Variants in GRM5 observed in about 807,000 individuals in gnomAD.
The protein encoded by GRM5 is metabotropic glutamate receptor 5.
GRM5 carries 19 observed loss-of-function variants against 83.1 expected under a neutral mutation model. The ratio of observed to expected loss-of-function variants is 0.23; its 90% CI spans 0.16 to 0.34. The LOEUF is 0.34. Among genes scored for constraint, GRM5 ranks in the 10% least tolerant of loss-of-function variants. The pLI is 1.00. For missense variants in GRM5, 1,160 were observed against 1,588.3 expected, an observed-to-expected ratio of 0.73 and a Z score of 4.58; for synonymous variants, 675 against 633.6, an observed-to-expected ratio of 1.07 and a Z score of -0.98.
intron 7 of GRM5, among the ~76,000 whole-genome samples, chr11:88,573,309 C>T (rs1230598755): frequency 6.6e-6 from 1 of 152,000 alleles, no homozygotes; most frequent in Non-Finnish European, 1.5e-5. Context: ...TTTTCTGGAC[C>T]CCTAAAAATG....
chr11:88,698,687 T>C (rs547406455), intron 3 of GRM5, among the ~76,000 whole-genome samples: 1 of 152,284 alleles, frequency 6.6e-6, no homozygotes, highest in South Asian at 2.1e-4. Context: ...TGTTTTTATT[T>C]CCTTGTTAAT....
Position 89,025,739 on chromosome 11 carries a change from A to G in GRM5, c.661+21473T>C, listed in dbSNP as rs576598427. On this transcript the variant is annotated intron_variant, in intron 2 of 9. Coordinates refer to ENST00000305447, the MANE Select transcript of GRM5 (RefSeq NM_001143831.3). ...AAAAGAATACATTGCTGGTAGGGAT[A>G]TAAATTTGTTTAGCTGCTATGCAAA... is the stretch of plus-strand genomic sequence containing the variant. Among the ~76,000 whole-genome samples the G allele has an allele frequency of 6.6e-5, 10 of 152,302 alleles. No individual in the cohort carries two copies. The South Asian group carries it at 1.9e-3, about 28-fold the overall frequency.
intron 2 of GRM5, among the ~76,000 whole-genome samples, chr11:88,976,978 G>A (rs1387923626): frequency 6.6e-6 from 1 of 151,702 alleles, no homozygotes; most frequent in African/African-American, 2.4e-5. Context: ...AGTCAATATT[G>A]AGGGAGAAAC....
chr11:88,988,355 C>A (rs1437195899), intron 2 of GRM5, among the ~76,000 whole-genome samples: 1 of 150,330 alleles, frequency 6.7e-6, no homozygotes, highest in Non-Finnish European at 1.5e-5. Flanking sequence ...AAATATGGGA[C>A]TATGTGAAAA....
chr11:88,517,128 TACACACACACACACAC>T (rs60251358), intron 9 of GRM5, among the ~76,000 whole-genome samples: 6 of 148,182 alleles, frequency 4.0e-5, no homozygotes, highest in African/African-American at 1.5e-4. Context: ...TTGGCTTCTG[TACACACACACACACAC>T]ACACACACAC....
intron 2 of GRM5, among the ~76,000 whole-genome samples, chr11:89,046,774 C>T (rs184177715): frequency 8.5e-5 from 13 of 152,236 alleles, no homozygotes; most frequent in African/African-American, 2.2e-4. Context: ...TTAGAACTGG[C>T]TACTACCTTC....
At chr11:88,764,785 G>T (rs1011164310) in intron 3 of GRM5, among the ~76,000 whole-genome samples, 18 of 151,238 alleles carry the variant, frequency 1.2e-4, no homozygotes, top group Admixed American at 6.6e-5. Context: ...CTAACTTTAA[G>T]ATACTAGAAT....
intron 4 of GRM5, among the ~76,000 whole-genome samples, chr11:88,630,943 G>A (rs1414643868): frequency 6.6e-6 from 1 of 152,152 alleles, no homozygotes; most frequent in African/African-American, 2.4e-5. Flanking sequence ...TTTGATAGAA[G>A]GCTCTCCTGT....
At chr11:88,554,322 G>A (rs1942577507) in intron 8 of GRM5, among the ~76,000 whole-genome samples, 1 of 151,990 alleles carries the variant, frequency 6.6e-6, no homozygotes, top group Admixed American at 6.6e-5. Flanking sequence ...ATCACATTGG[G>A]CCCACTGGAT....
chr11:88,992,328 T>TC (rs2135050187), intron 2 of GRM5, among the ~76,000 whole-genome samples: 1 of 151,872 alleles, frequency 6.6e-6, no homozygotes, highest in South Asian at 2.1e-4. Flanking sequence ...TACCATCTCA[T>TC]ACCAGTTAGA....
In GRM5 at chr11:88,509,322, C is replaced by T; in HGVS notation, c.2909G>A (p.Ser970Asn). The T allele has an allele frequency of 6.3e-7, 1 of 1,594,926 alleles. No individual in the cohort carries two copies. Among genetic ancestry groups the T allele is most frequent in the Non-Finnish European group, 8.5e-7 (1 of 1,172,564 alleles). ...GCCCGTGGCCCCCACGCCCCCAGCG[C>T]TCCCGCCTGCGCCAGCGCCAGCGCC... is the stretch of plus-strand genomic sequence containing the variant. ...GLGAGAGAGG[S>N]AGGVGATGGA... The change falls in exon 10 of 10, where the codon AGC (serine) becomes AAC (asparagine). Residue 970 changes from serine to asparagine, a missense_variant. By Grantham distance (46) the Ser-to-Asn change is conservative (BLOSUM62 1). Around this residue, in one of 9 missense-constraint regions of GRM5, gnomAD observed 562 missense variants for 532.4 expected, o/e 1.06. Transcript: ENST00000305447.
intron 8 of GRM5, among the ~76,000 whole-genome samples, chr11:88,545,381 C>T (rs1942364515): frequency 6.6e-6 from 1 of 151,992 alleles, no homozygotes; most frequent in Admixed American, 6.5e-5. Flanking sequence ...TTCTTCAAAC[C>T]TATTCTCTTT....
At position 88,905,062 on chromosome 11, in the gene GRM5, C is replaced by T. The variant is rs551701078; in HGVS notation, c.662-54907G>A. On this transcript the variant is annotated intron_variant, in intron 2 of 9. Transcript: ENST00000305447. The stretch of plus-strand genomic sequence containing the variant: ...CATGAATGTGTCATACATCTTCATC[C>T]AATCAGAAGATTCAGTTCAGATGTG... 4.3e-4 allele frequency among the ~76,000 whole-genome samples: 66 copies of T among 152,188 alleles called. 1 individual carries two copies. Among genetic ancestry groups the T allele is most frequent in the African/African-American group, 1.6e-3 (65 of 41,528 alleles).
intron 2 of GRM5, among the ~76,000 whole-genome samples, chr11:88,953,803 G>A (rs1938532788): frequency 6.6e-6 from 1 of 152,144 alleles, no homozygotes; most frequent in African/African-American, 2.4e-5. Context: ...TCACACAATT[G>A]AGTGCTTTAT....
At chr11:89,062,506 A>C (rs1327081080) in intron 1 of GRM5, among the ~76,000 whole-genome samples, 1 of 152,248 alleles carries the variant, frequency 6.6e-6, no homozygotes, top group East Asian at 1.9e-4. Flanking sequence ...ATGGAGAAGA[A>C]GGTGAAAAGG....
At chr11:88,746,166 C>T (rs935089867) in intron 3 of GRM5, among the ~76,000 whole-genome samples, 2 of 152,084 alleles carry the variant, frequency 1.3e-5, no homozygotes, top group Non-Finnish European at 2.9e-5. Context: ...CTCTTTAACA[C>T]GGCCCAACAA....
At chr11:89,058,593 G>T (rs1265301096) in intron 1 of GRM5, among the ~76,000 whole-genome samples, 1 of 152,166 alleles carries the variant, frequency 6.6e-6, no homozygotes, top group Non-Finnish European at 1.5e-5. Flanking sequence ...TAATGCTAAG[G>T]AGAGACGGTT....
chr11:88,890,827 G>A (rs1465617337), intron 2 of GRM5, among the ~76,000 whole-genome samples: 1 of 152,076 alleles, frequency 6.6e-6, no homozygotes, highest in Non-Finnish European at 1.5e-5. Flanking sequence ...CTCAACAAAT[G>A]TAAAACTTGC....
rs528468508 is a variant in GRM5 at position 88,885,643 on chromosome 11, C to G, written c.662-35488G>C. Among the ~76,000 whole-genome samples the G allele has an allele frequency of 7.9e-5, 12 of 151,324 alleles. 1 individual carries two copies. The South Asian group carries it at 2.5e-3, about 32-fold the overall frequency. ...CAGATAACCTGCCTTTAAAACAAACCAAACCAAAGAGGCAATATGCAGTTC... is the reference window on the plus strand; with the variant it reads ...CAGATAACCTGCCTTTAAAACAAACGAAACCAAAGAGGCAATATGCAGTTC... On this transcript the variant is annotated intron_variant, in intron 2 of 9. Transcript: ENST00000305447.
Sources: gnomAD v4.1 joint callset for allele counts (sites outside exome capture counted in the v4.1 genomes callset) on GRCh38, gnomAD v4.1.1 for gene constraint, gnomAD v4.1.1 regional missense constraint, MANE v1.5 for transcripts, NCBI Gene and HGNC (gene_info 2026-07-23, HGNC 2026-07-21) for gene names.